Variants in CAST observed in about 807,000 individuals in gnomAD.
CAST encodes the protein MIR583 host.
Under a neutral mutation model 119.6 loss-of-function variants are expected in CAST, and 76 were observed. The observed-to-expected ratio is 0.64, with a 90% confidence interval of 0.53 to 0.77. The LOEUF is 0.77. Ranked by LOEUF, CAST falls within the 30% of genes least tolerant of loss-of-function variation. CAST has a pLI of 0.00. For synonymous variants in CAST, 319 were observed against 331.6 expected (o/e 0.96, Z 0.41); for missense variants, 953 against 946.5 (o/e 1.01, Z -0.09).
chr5:96,049,864 A>G, the CAST span, among the ~76,000 whole-genome samples: 1 of 137,864 alleles, frequency 7.3e-6, no homozygotes, highest in Admixed American at 7.4e-5. Context: ...AGAGCATTTT[A>G]AGAGAGAAAC....
the CAST span, among the ~76,000 whole-genome samples, chr5:96,194,506 T>C: frequency 6.6e-6 from 1 of 152,218 alleles, no homozygotes; most frequent in Non-Finnish European, 1.5e-5. Flanking sequence ...GCTACGGCAC[T>C]GGTTCCCAGA....
At chr5:96,557,926 C>T (rs561846909) in intron 1 of CAST, among the ~76,000 whole-genome samples, 6 of 152,284 alleles carry the variant, frequency 3.9e-5, no homozygotes, top group African/African-American at 1.4e-4. Flanking sequence ...CACACCACAC[C>T]TATTCCAAAA....
At chr5:96,415,760 A>G in the CAST span, among the ~76,000 whole-genome samples, 4 of 152,166 alleles carry the variant, frequency 2.6e-5, no homozygotes, top group Admixed American at 2.6e-4. Context: ...AAATCAGAAC[A>G]TAGAGAAAAT....
the CAST span, among the ~76,000 whole-genome samples, chr5:96,299,921 C>T: frequency 6.6e-6 from 1 of 152,104 alleles, no homozygotes; most frequent in East Asian, 1.9e-4. Context: ...AGTTATTTAA[C>T]AGTTTAACAG....
At chr5:96,562,563 C>A (rs779080741) in intron 1 of CAST, among the ~76,000 whole-genome samples, 4 of 152,116 alleles carry the variant, frequency 2.6e-5, no homozygotes, top group Non-Finnish European at 5.9e-5. Context: ...TAATCATAAG[C>A]AATTATTCTG....
chr5:96,504,817 T>C, the CAST span, among the ~76,000 whole-genome samples: 8 of 152,254 alleles, frequency 5.3e-5, no homozygotes, highest in Non-Finnish European at 1.2e-4. Flanking sequence ...TGATGTGCTT[T>C]CTGTATCTGT....
chr5:96,178,239 A>G, the CAST span, among the ~76,000 whole-genome samples: 60 of 152,350 alleles, frequency 3.9e-4, no homozygotes, highest in African/African-American at 1.4e-3. Context: ...TTGCAGGGGA[A>G]TCTGCATGAT....
the CAST span, chr5:95,961,447 T>C: frequency 8.3e-7 from 1 of 1,205,710 alleles, no homozygotes; most frequent in Non-Finnish European, 1.1e-6. Flanking sequence ...CTGCCCTGCC[T>C]GGCCGCTGCG....
At chr5:96,079,669 C>T in the CAST span, among the ~76,000 whole-genome samples, 1 of 152,148 alleles carries the variant, frequency 6.6e-6, no homozygotes, top group African/African-American at 2.4e-5. Context: ...CTTGCTAGCA[C>T]CCTTCCACAA....
At chr5:96,152,300 G>T in the CAST span, among the ~76,000 whole-genome samples, 1 of 152,184 alleles carries the variant, frequency 6.6e-6, no homozygotes. Flanking sequence ...CCTAGTGAAG[G>T]CCCAGGGAGA....
chr5:96,217,805 G>T, the CAST span, among the ~76,000 whole-genome samples: 1 of 152,102 alleles, frequency 6.6e-6, no homozygotes, highest in African/African-American at 2.4e-5. Flanking sequence ...TTAGGAGAAG[G>T]GTTATCCTTA....
chr5:96,590,156 T>G (rs866852795), intron 1 of CAST, among the ~76,000 whole-genome samples: 74 of 152,316 alleles, frequency 4.9e-4, no homozygotes, highest in African/African-American at 1.7e-3. Context: ...AATCATCCAG[T>G]TCCTTATTAC....
At chr5:96,469,879 A>ATAT in the CAST span, among the ~76,000 whole-genome samples, 4 of 107,418 alleles carry the variant, frequency 3.7e-5, no homozygotes, top group African/African-American at 1.2e-4. Context: ...ATATATATAT[A>ATAT]ATATATATAT....
the CAST span, among the ~76,000 whole-genome samples, chr5:96,197,358 G>A: frequency 3.9e-5 from 6 of 152,122 alleles, no homozygotes; most frequent in African/African-American, 7.2e-5. Flanking sequence ...TGAAAAACAC[G>A]CAGATGTCAG....
chr5:96,332,415 CT>C, the CAST span, among the ~76,000 whole-genome samples: 1,533 of 142,890 alleles, frequency 0.011, 19 homozygotes, highest in African/African-American at 0.034. Context: ...TTGATTTCGG[CT>C]TTTTTTTTTT....
In CAST at chr5:96,547,558, C is replaced by A. The variant is rs1746042261; in HGVS notation, c.60+17678C>A. ...ATCTTCTTTACTCATTTTATTGATT[C>A]AAATGCTAATTTCTGGAAACACCCT... On this transcript the variant is annotated intron_variant, in intron 1 of 11. Transcript: ENST00000505143. Among the ~76,000 whole-genome samples the A allele has an allele frequency of 4.6e-5, 7 of 152,208 alleles. No individual in the cohort carries two copies. In the South Asian group the frequency reaches 1.4e-3, roughly 31 times the overall value.
chr5:96,667,704 T>A (rs1749517340), intron 1 of CAST, among the ~76,000 whole-genome samples: 1 of 150,980 alleles, frequency 6.6e-6, no homozygotes, highest in South Asian at 2.1e-4. Flanking sequence ...TAAGCATTAG[T>A]ACACAGAATA....
At chr5:96,450,300 A>G in the CAST span, among the ~76,000 whole-genome samples, 2 of 152,244 alleles carry the variant, frequency 1.3e-5, no homozygotes, top group Non-Finnish European at 2.9e-5. Flanking sequence ...AGCAACATGG[A>G]TAGAACTGGA....
chr5:96,102,697 TA>T, the CAST span, among the ~76,000 whole-genome samples: 1 of 151,208 alleles, frequency 6.6e-6, no homozygotes, highest in African/African-American at 2.4e-5. Flanking sequence ...TGTTTATGAC[TA>T]TTTGTTCTCT....
Sources: allele counts gnomAD v4.1 joint callset (sites outside exome capture counted in the v4.1 genomes callset), GRCh38; gene constraint gnomAD v4.1.1; transcripts MANE v1.5; gene names NCBI Gene and HGNC (gene_info 2026-07-23, HGNC 2026-07-21).